The following POGZ variants were observed in gnomAD, a reference collection of about 807,000 sequenced individuals.
POGZ encodes pogo transposable element with ZNF domain.
POGZ carries 17 observed loss-of-function variants against 134.6 expected under a neutral mutation model. The ratio of observed to expected loss-of-function variants is 0.13; its 90% CI spans 0.09 to 0.19. POGZ has a LOEUF of 0.19. Ranked by LOEUF, POGZ falls within the 10% of genes least tolerant of loss-of-function variation. The pLI is 1.00. For missense variants in POGZ, 1,306 were observed against 1,769.7 expected (o/e 0.74, Z 4.70); for synonymous variants, 693 against 657.1 (o/e 1.05, Z -0.84).
chr1:151,404,310 T>C lies in POGZ; in HGVS notation c.*492A>G. 1 of 985,056 alleles carries C rather than the reference T, an allele frequency of 1.0e-6. No individual in the cohort carries two copies. Among genetic ancestry groups the C allele is most frequent in the Non-Finnish European group, 1.2e-6 (1 of 829,172 alleles). The allele number at this position is 985,056 out of a possible 1,614,324, so 61.0% of individuals were successfully genotyped here. A position where few individuals can be genotyped will look rare whatever the true frequency, so the allele number is the denominator to read the frequency against. Reference sequence around the variant, plus strand: ...ATAATAAACCAGTTTGTGAGCTACATAATTTGTCTTTCCCATCTTCAGAAA... The same window carrying C: ...ATAATAAACCAGTTTGTGAGCTACACAATTTGTCTTTCCCATCTTCAGAAA... On this transcript the variant is annotated 3_prime_UTR_variant, in exon 19 of 19. Coordinates refer to ENST00000271715, the MANE Select transcript of POGZ (RefSeq NM_015100.4).
Position 151,403,128 on chromosome 1 carries a change from A to T in POGZ, c.*1674T>A. 1.4e-6 allele frequency: 1 copy of T among 717,206 alleles called. No homozygotes were observed. The highest frequency in any genetic ancestry group is 1.7e-6 in the Non-Finnish European group (1 of 584,868). 44.4% of individuals were successfully genotyped at this position (717,206 alleles called of 1,614,324 possible). On this transcript the variant is annotated 3_prime_UTR_variant, in exon 19 of 19. Coordinates refer to ENST00000271715, the MANE Select transcript of POGZ (RefSeq NM_015100.4). ...ATCCTTGGTTGTTTTCAGATGTCAA[A>T]GGTTCACAAAGCTGGCCAAGCTGTT... is the stretch of plus-strand genomic sequence containing the variant.
At chr1:151,420,180 C>T (rs1557894668) in intron 10 of POGZ, among the ~76,000 whole-genome samples, 1 of 152,054 alleles carries the variant, frequency 6.6e-6, no homozygotes, top group Non-Finnish European at 1.5e-5. Flanking sequence ...AGAGCAAGAC[C>T]CTGTTGTCTC....
chr1:151,406,854 C>A (rs780323199), intron 17 of POGZ, 57 bp downstream of exon 17: 1 of 1,327,236 alleles, frequency 7.5e-7, no homozygotes, highest in South Asian at 1.2e-5. Context: ...GCATACAGTA[C>A]GAACCTGTAT....
chr1:151,414,014 G>A (rs1557882642), intron 10 of POGZ, among the ~76,000 whole-genome samples: 1 of 152,142 alleles, frequency 6.6e-6, no homozygotes, highest in Non-Finnish European at 1.5e-5. Flanking sequence ...TTCTCAAAGA[G>A]GTCTGCAACT....
At position 151,406,614 on chromosome 1, in the gene POGZ, G is replaced by T. The variant is rs1287441270; in HGVS notation, c.2563C>A (p.His855Asn). Reference protein sequence around the residue: ...ILPRGLTWIAHSRHGQTRDRV... With the variant: ...ILPRGLTWIANSRHGQTRDRV... ...GAGGTGAGTTTTTGTTACCTTGAGT[G>T]AGCTATCCAAGTGAGTCCTATGGAA... The change falls in exon 18 of 19, where the codon CAC becomes AAC. Residue 855 changes from histidine to asparagine, a missense_variant. Around this residue, in one of 10 missense-constraint regions of POGZ, gnomAD observed 214 missense variants for 255.5 expected, o/e 0.84. Coordinates refer to ENST00000271715, the MANE Select transcript of POGZ (RefSeq NM_015100.4). 1 of 1,610,774 alleles carries T rather than the reference G, an allele frequency of 6.2e-7. No homozygotes were observed. Among genetic ancestry groups the T allele is most frequent in the African/African-American group, 1.3e-5 (1 of 74,884 alleles).
In POGZ at chr1:151,408,946, A is replaced by G. The variant is rs566452354; in HGVS notation, c.1927-118T>C. 1.2e-4 allele frequency: 110 copies of G among 881,746 alleles called. No homozygotes were observed. In the South Asian group the frequency reaches 1.7e-3, roughly 14 times the overall value. 54.6% of individuals were successfully genotyped at this position (881,746 alleles called of 1,614,324 possible). A position where few individuals can be genotyped will look rare whatever the true frequency, so the allele number is the denominator to read the frequency against. On this transcript the variant is annotated intron_variant, in intron 12 of 18. Transcript: ENST00000271715. ...TATCATTCTTCCCACCTTTCTGTTG[A>G]TAATTTAAGAGAGTAAGAAAGAAAT... is the stretch of plus-strand genomic sequence containing the variant.
At chr1:151,413,597 C>G (rs1655080478) in intron 10 of POGZ, among the ~76,000 whole-genome samples, 1 of 151,928 alleles carries the variant, frequency 6.6e-6, no homozygotes, top group Admixed American at 6.6e-5. Context: ...CTAACCTCCC[C>G]CCGCCCCCAG....
intron 3 of POGZ, among the ~76,000 whole-genome samples, chr1:151,436,964 C>T (rs942164667): frequency 1.3e-5 from 2 of 152,176 alleles, no homozygotes; most frequent in African/African-American, 2.4e-5. Flanking sequence ...TAGGCCAAGA[C>T]AGGCAGATTA....
intron 1 of POGZ, among the ~76,000 whole-genome samples, chr1:151,447,160 C>T (rs928241289): frequency 2.2e-4 from 34 of 151,958 alleles, no homozygotes; most frequent in Non-Finnish European, 4.4e-4. Flanking sequence ...CTAAGGCGGG[C>T]GGATCACATG....
chr1:151,448,180 AT>A (rs1661538728), intron 1 of POGZ, among the ~76,000 whole-genome samples: 2 of 152,130 alleles, frequency 1.3e-5, no homozygotes, highest in African/African-American at 4.8e-5. Flanking sequence ...CTAAAAAAAA[AT>A]TTTCTCCTGA....
At chr1:151,407,990 G>C in intron 15 of POGZ, 110 bp downstream of exon 15, 1 of 831,520 alleles carries the variant, frequency 1.2e-6, no homozygotes, top group South Asian at 1.9e-5. Flanking sequence ...CCAGCCTAGG[G>C]GACAGAGTGA....
intron 10 of POGZ, 125 bp from the exon 11 acceptor site, chr1:151,412,521 T>C: frequency 1.7e-6 from 1 of 604,758 alleles, no homozygotes; most frequent in East Asian, 2.8e-5. Context: ...CATAGGTCCC[T>C]TCTGTTCTTT....
At chr1:151,447,969 C>T (rs763175754) in intron 1 of POGZ, among the ~76,000 whole-genome samples, 1 of 152,046 alleles carries the variant, frequency 6.6e-6, no homozygotes, top group Admixed American at 6.6e-5. Flanking sequence ...CTGCCCCAGA[C>T]CTAGAACCAA....
Position 151,404,565 on chromosome 1 carries a change from A to T in POGZ, c.*237T>A. ...AAAAAAGTCACAAAAACCTGTTTTT[A>T]GCAGAAGTGAATGACCAATGGGCCA... is the stretch of plus-strand genomic sequence containing the variant. On this transcript the variant is annotated 3_prime_UTR_variant, in exon 19 of 19. Transcript: ENST00000271715. 1 of 1,192,292 alleles carries T rather than the reference A, an allele frequency of 8.4e-7. No individual in the cohort carries two copies. The highest frequency in any genetic ancestry group is 1.0e-6 in the Non-Finnish European group (1 of 961,860). The allele number at this position is 1,192,292 out of a possible 1,614,324, so 73.9% of individuals were successfully genotyped here.
intron 10 of POGZ, among the ~76,000 whole-genome samples, chr1:151,418,394 T>C (rs187627966): frequency 6.6e-6 from 1 of 151,564 alleles, no homozygotes; most frequent in Non-Finnish European, 1.5e-5. Context: ...AAAAAGTAGA[T>C]CTCATGGAGA....
chr1:151,445,499 G>A (rs2102388076), intron 1 of POGZ, among the ~76,000 whole-genome samples: 1 of 138,316 alleles, frequency 7.2e-6, no homozygotes, highest in African/African-American at 2.8e-5. Flanking sequence ...TCCAGCCTGG[G>A]CAACAGAAGC....
In POGZ at chr1:151,403,426, T is replaced by C. The variant is rs1340904273; in HGVS notation, c.*1376A>G. ...TAAAGACGAACCATTTACAAGCTTG[T>C]GCAGTTTGCCTCCTTGGCTCACAGG... On this transcript the variant is annotated 3_prime_UTR_variant, in exon 19 of 19. Coordinates refer to ENST00000271715, the MANE Select transcript of POGZ (RefSeq NM_015100.4). 4.1e-6 allele frequency: 4 copies of C among 985,504 alleles called. No homozygotes were observed. In the African/African-American group the frequency reaches 7.0e-5, roughly 17 times the overall value. 61.0% of individuals were successfully genotyped at this position (985,504 alleles called of 1,614,324 possible).
chr1:151,449,711 A>G (rs993035041), intron 1 of POGZ, among the ~76,000 whole-genome samples: 3 of 152,144 alleles, frequency 2.0e-5, no homozygotes, highest in Non-Finnish European at 1.5e-5. Context: ...CCTGGCTAAC[A>G]CGGTGAAACC....
intron 10 of POGZ, among the ~76,000 whole-genome samples, chr1:151,417,226 GCTAA>G (rs1273493580): frequency 1.3e-5 from 2 of 149,700 alleles, no homozygotes; most frequent in East Asian, 2.0e-4. Context: ...ACCACACACG[GCTAA>G]CTTTTTGTAT....
Sources: gnomAD v4.1 joint callset for allele counts (sites outside exome capture counted in the v4.1 genomes callset) on GRCh38, gnomAD v4.1.1 for gene constraint, gnomAD v4.1.1 regional missense constraint, MANE v1.5 for transcripts, NCBI Gene and HGNC (gene_info 2026-07-23, HGNC 2026-07-21) for gene names.